COL25A1: variants seen among roughly 807,000 people sequenced by gnomAD.
The protein encoded by COL25A1 is collagen type XXV alpha 1 chain.
A neutral mutation model predicts 128.4 loss-of-function variants in COL25A1; 103 were observed. The observed-to-expected ratio is 0.80, with a 90% CI of 0.68 to 0.94. The LOEUF is 0.94. COL25A1 is among the 40% of genes least tolerant of loss of function. COL25A1 has a pLI of 0.00. For missense variants in COL25A1, 745 were observed against 840.0 expected (o/e 0.89, Z 1.40); for synonymous variants, 279 against 277.2 (o/e 1.01, Z -0.06).
chr4:108,815,744 A>C (rs1416139837), intron 37 of COL25A1, among the ~76,000 whole-genome samples: 1 of 152,154 alleles, frequency 6.6e-6, no homozygotes, highest in Middle Eastern at 3.2e-3. Context: ...GATGATGCCC[A>C]TTTCATGAAC....
chr4:108,998,869 A>T (rs1347024382), intron 6 of COL25A1, among the ~76,000 whole-genome samples: 3 of 152,226 alleles, frequency 2.0e-5, no homozygotes, highest in African/African-American at 7.2e-5. Context: ...TGGGGAAAGG[A>T]TTCCCTATTT....
At chr4:109,129,791 T>C (rs1364092488) in intron 3 of COL25A1, among the ~76,000 whole-genome samples, 1 of 152,148 alleles carries the variant, frequency 6.6e-6, no homozygotes, top group Non-Finnish European at 1.5e-5. Flanking sequence ...AGTTATAGAT[T>C]GTATAGATTT....
chr4:109,187,215 A>C (rs1034562078), intron 3 of COL25A1, among the ~76,000 whole-genome samples: 1 of 141,832 alleles, frequency 7.1e-6, no homozygotes, highest in Non-Finnish European at 1.5e-5. Flanking sequence ...ACACACACAC[A>C]CACACACACA....
At chr4:108,969,941 G>A (rs1324605078) in intron 8 of COL25A1, among the ~76,000 whole-genome samples, 1 of 150,496 alleles carries the variant, frequency 6.6e-6, no homozygotes, top group Admixed American at 6.6e-5. Context: ...TCACTCTGTT[G>A]CCCAGGCTGG....
chr4:109,239,308 T>C (rs1779680149), intron 3 of COL25A1, among the ~76,000 whole-genome samples: 1 of 147,956 alleles, frequency 6.8e-6, no homozygotes, highest in Non-Finnish European at 1.5e-5. Flanking sequence ...TAATATTATA[T>C]TTATATTATA....
At chr4:108,983,944 T>C (rs984027808) in intron 6 of COL25A1, among the ~76,000 whole-genome samples, 2 of 152,142 alleles carry the variant, frequency 1.3e-5, no homozygotes, top group Non-Finnish European at 2.9e-5. Context: ...GGGTTGCCAC[T>C]GCTGACTCGG....
intron 5 of COL25A1, among the ~76,000 whole-genome samples, chr4:109,025,341 A>T (rs2125907146): frequency 6.6e-6 from 1 of 152,332 alleles, no homozygotes; most frequent in Admixed American, 6.5e-5. Flanking sequence ...TACACTGTAT[A>T]TATTGAGTAA....
chr4:109,244,446 G>A (rs1406392901), intron 3 of COL25A1, among the ~76,000 whole-genome samples: 1 of 152,060 alleles, frequency 6.6e-6, no homozygotes, highest in Non-Finnish European at 1.5e-5. Flanking sequence ...TTCTATTACA[G>A]TAATTTGCAA....
intron 5 of COL25A1, among the ~76,000 whole-genome samples, chr4:109,041,365 C>G (rs1579176506): frequency 2.4e-5 from 3 of 126,874 alleles, no homozygotes; most frequent in Non-Finnish European, 4.9e-5. Context: ...TATGTCACCC[C>G]CTTTTTTAAA....
At chr4:109,130,122 C>T (rs1180172254) in intron 3 of COL25A1, among the ~76,000 whole-genome samples, 3 of 128,988 alleles carry the variant, frequency 2.3e-5, no homozygotes, top group African/African-American at 5.2e-5. Context: ...ACAGAATATA[C>T]ATACATACAT....
intron 6 of COL25A1, among the ~76,000 whole-genome samples, chr4:108,983,931 A>C (rs1250817250): frequency 6.6e-6 from 1 of 152,110 alleles, no homozygotes; most frequent in Non-Finnish European, 1.5e-5. Flanking sequence ...AGGGGACCCA[A>C]GCGGGTTGCC....
At position 108,848,745 on chromosome 4, in the gene COL25A1, T is replaced by A. The variant is rs1031950770; in HGVS notation, c.1434+14A>T. On this transcript the variant is annotated intron_variant, in intron 27 of 37. Transcript: ENST00000399132. ...ATGATGCTTTAAATAATAGTATACA[T>A]CTTTGAAAATTACCTGCTCTCCATC... The A allele has an allele frequency of 6.4e-7, 1 of 1,556,152 alleles. No individual in the cohort carries two copies. Among genetic ancestry groups the A allele is most frequent in the Non-Finnish European group, 8.9e-7 (1 of 1,127,404 alleles).
intron 3 of COL25A1, among the ~76,000 whole-genome samples, chr4:109,114,632 C>T (rs1310785942): frequency 2.6e-5 from 4 of 152,026 alleles, no homozygotes; most frequent in Non-Finnish European, 5.9e-5. Flanking sequence ...AAGGCTGGAG[C>T]ATAGGATGCA....
chr4:109,292,636 A>G (rs1028943556), intron 3 of COL25A1, among the ~76,000 whole-genome samples: 1 of 152,040 alleles, frequency 6.6e-6, no homozygotes, highest in African/African-American at 2.4e-5. Context: ...AAGTATATCT[A>G]TGGGGGTTTG....
intron 31 of COL25A1, among the ~76,000 whole-genome samples, chr4:108,840,052 G>T (rs947938297): frequency 7.9e-5 from 12 of 151,754 alleles, no homozygotes; most frequent in Non-Finnish European, 1.8e-4. Flanking sequence ...GACCAGCCTG[G>T]CCAACATGGT....
intron 6 of COL25A1, among the ~76,000 whole-genome samples, chr4:109,000,164 A>G (rs1433747819): frequency 6.6e-6 from 1 of 152,204 alleles, no homozygotes; most frequent in Admixed American, 6.5e-5. Flanking sequence ...AAAAGTGTTC[A>G]TGAATAATTA....
intron 3 of COL25A1, among the ~76,000 whole-genome samples, chr4:109,168,601 T>C (rs921633761): frequency 7.9e-5 from 12 of 152,144 alleles, no homozygotes; most frequent in African/African-American, 2.9e-4. Context: ...AATATACCGA[T>C]GGAGTTCCAG....
At chr4:108,997,040 G>A (rs916855497) in intron 6 of COL25A1, among the ~76,000 whole-genome samples, 3 of 152,040 alleles carry the variant, frequency 2.0e-5, no homozygotes, top group Non-Finnish European at 4.4e-5. Flanking sequence ...ACCTAAAATT[G>A]ACACCCTAAC....
chr4:109,271,943 A>C (rs1161903618), intron 3 of COL25A1, among the ~76,000 whole-genome samples: 5 of 152,164 alleles, frequency 3.3e-5, no homozygotes, highest in Non-Finnish European at 7.3e-5. Context: ...AATTTTTTTA[A>C]AGTTAAAAAT....
Sources: allele counts gnomAD v4.1 joint callset (sites outside exome capture counted in the v4.1 genomes callset), GRCh38; gene constraint gnomAD v4.1.1; transcripts MANE v1.5; gene names NCBI Gene and HGNC (gene_info 2026-07-23, HGNC 2026-07-21).